The following SNX10 variants were observed in gnomAD, a reference collection of about 807,000 sequenced individuals.
SNX10 encodes sorting nexin 10, also known as sorting nexin-10.
A neutral mutation model predicts 28.5 loss-of-function variants in SNX10; 25 were observed. The observed-to-expected ratio is 0.88, with a 90% CI of 0.64 to 1.22. The LOEUF (loss-of-function observed/expected upper bound fraction) is 1.22, where lower values mean the gene tolerates loss of function less well. SNX10 is among the 50% of genes most tolerant of loss of function. SNX10 has a pLI of 0.00. For synonymous variants in SNX10, 62 were observed against 81.4 expected, an observed-to-expected ratio of 0.76 and a Z score of 1.28; for missense variants, 223 against 242.6, an observed-to-expected ratio of 0.92 and a Z score of 0.54.
chr7:26,362,810 A>C (rs1789131681), intron 3 of SNX10, among the ~76,000 whole-genome samples: 1 of 152,176 alleles, frequency 6.6e-6, no homozygotes, highest in Admixed American at 6.5e-5. Context: ...TGGAATTTTA[A>C]ATTAGTAGAC....
intron 1 of SNX10, among the ~76,000 whole-genome samples, chr7:26,316,755 G>A (rs1218217967): frequency 6.6e-6 from 1 of 152,142 alleles, no homozygotes; most frequent in Non-Finnish European, 1.5e-5. Flanking sequence ...TTGAGCCCAG[G>A]GAGGATGAAC....
At chr7:26,352,476 C>A (rs1441657687) in intron 2 of SNX10, among the ~76,000 whole-genome samples, 1 of 152,088 alleles carries the variant, frequency 6.6e-6, no homozygotes, top group Admixed American at 6.5e-5. Flanking sequence ...TAAAATGAAC[C>A]CCCATATGTG....
At chr7:26,355,907 C>G (rs1298862276) in intron 2 of SNX10, among the ~76,000 whole-genome samples, 1 of 152,164 alleles carries the variant, frequency 6.6e-6, no homozygotes, top group African/African-American at 2.4e-5. Flanking sequence ...TTTAAAAAAT[C>G]TGTAAAGTAG....
intron 1 of SNX10, among the ~76,000 whole-genome samples, chr7:26,334,972 A>G (rs569471440): frequency 1.8e-4 from 27 of 152,240 alleles, no homozygotes; most frequent in Admixed American, 7.2e-4. Flanking sequence ...CCCAGCTTTC[A>G]TGTTTTGGTG....
intron 1 of SNX10, among the ~76,000 whole-genome samples, chr7:26,306,700 C>G (rs939760340): frequency 1.3e-5 from 2 of 152,168 alleles, no homozygotes; most frequent in African/African-American, 4.8e-5. Flanking sequence ...CGTGCCCAGA[C>G]AGAAAATTTT....
chr7:26,339,846 C>T (rs1353537744), intron 1 of SNX10, among the ~76,000 whole-genome samples: 5 of 138,476 alleles, frequency 3.6e-5, no homozygotes, highest in African/African-American at 2.8e-5. Flanking sequence ...CCCACCTGGC[C>T]GATCTTTTTT....
rs1392227460 is a variant in SNX10, at chr7:26,372,496, C to T, written c.530C>T (p.Ser177Phe). The T allele has an allele frequency of 6.2e-7, 1 of 1,603,356 alleles. No homozygotes were observed. Among genetic ancestry groups the T allele is most frequent in the South Asian group, 1.1e-5 (1 of 90,798 alleles). The change falls in exon 7 of 7, where the codon TCC becomes TTC. Residue 177 changes from serine (S) to phenylalanine (F), a missense_variant. Coordinates refer to ENST00000338523, the MANE Select transcript of SNX10 (RefSeq NM_013322.3). ...NDIDYDSESS[S>F]SGLGHSSDDS... Reference sequence around the variant, plus strand: ...CCCCCTCTCTTCTTTTCCAGTTCATCCTCTGGGCTTGGACACAGTAGTGAT... The same window carrying T: ...CCCCCTCTCTTCTTTTCCAGTTCATTCTCTGGGCTTGGACACAGTAGTGAT...
At chr7:26,319,590 G>A (rs1287010464) in intron 1 of SNX10, among the ~76,000 whole-genome samples, 2 of 152,066 alleles carry the variant, frequency 1.3e-5, no homozygotes, top group Non-Finnish European at 2.9e-5. Context: ...TATTGGTCTG[G>A]GCTTAGCTTG....
intron 1 of SNX10, among the ~76,000 whole-genome samples, chr7:26,305,346 C>T (rs1786543444): frequency 6.6e-6 from 1 of 152,204 alleles, no homozygotes; most frequent in African/African-American, 2.4e-5. Flanking sequence ...ACCAACACTC[C>T]TTAGAAGTTA....
chr7:26,332,003 T>G (rs892305689), intron 1 of SNX10, among the ~76,000 whole-genome samples: 4 of 152,258 alleles, frequency 2.6e-5, no homozygotes, highest in African/African-American at 9.6e-5. Flanking sequence ...TGTTTGCCTG[T>G]TGATAGGCAA....
At position 26,371,907 on chromosome 7, in the gene SNX10, G is replaced by A. The variant is rs769343293; in HGVS notation, c.398G>A (p.Cys133Tyr). The A allele has an allele frequency of 6.2e-7, 1 of 1,613,526 alleles. No homozygotes were observed. Among genetic ancestry groups the A allele is most frequent in the Non-Finnish European group, 8.5e-7 (1 of 1,179,712 alleles). The change falls in exon 6 of 7, where the codon TGT becomes TAT. Residue 133 changes from cysteine (C) to tyrosine (Y), a missense_variant. By Grantham distance (194) the Cys-to-Tyr change is radical. Coordinates refer to ENST00000338523, the MANE Select transcript of SNX10 (RefSeq NM_013322.3). ...CTGAATTCAGAAGACATTGAGGCGT[G>A]TGTTTCTGGGCAGACTAAGTACTCT... Reference protein sequence around the residue: ...SHLNSEDIEACVSGQTKYSVE... With the variant: ...SHLNSEDIEAYVSGQTKYSVE...
chr7:26,346,324 G>T lies in SNX10; in HGVS notation c.-23-96G>T, dbSNP rs544142396. The T allele has an allele frequency of 1.9e-3, 1,481 of 788,190 alleles. 3 individuals carry two copies. Among genetic ancestry groups the T allele is most frequent in the Non-Finnish European group, 2.7e-3 (1,196 of 435,592 alleles). 48.8% of individuals were successfully genotyped at this position (788,190 alleles called of 1,614,324 possible). A position where few individuals can be genotyped will look rare whatever the true frequency, so the allele number is the denominator to read the frequency against. On this transcript the variant is annotated intron_variant, in intron 1 of 6. Coordinates refer to ENST00000338523, the MANE Select transcript of SNX10 (RefSeq NM_013322.3). ...ATGTCAGGGACTGTGGGGCGGGGGG[G>T]GCTCTGTCAGGGGATTTGGGTGGGA... is the stretch of plus-strand genomic sequence containing the variant.
In SNX10 at chr7:26,349,697, A is replaced by C. The variant is rs553442919; in HGVS notation, c.24+3231A>C. On this transcript the variant is annotated intron_variant, in intron 2 of 6. Coordinates refer to ENST00000338523, the MANE Select transcript of SNX10 (RefSeq NM_013322.3). ...TCAACTCTTCTGTTTAATGAGACAG[A>C]ACCCAGACTCCAAATGGAAAGGCAG... Among the ~76,000 whole-genome samples, 237 of 152,366 alleles carry C rather than the reference A, an allele frequency of 1.6e-3. 1 individual carries two copies. In the South Asian group the frequency reaches 0.017, roughly 11 times the overall value.
intron 1 of SNX10, among the ~76,000 whole-genome samples, chr7:26,335,775 G>A (rs1400482064): frequency 2.9e-5 from 3 of 102,338 alleles, no homozygotes; most frequent in South Asian, 3.3e-4. Context: ...ACGGAGTCTC[G>A]TTCTGTCGCC....
At position 26,364,236 on chromosome 7, in the gene SNX10, A is replaced by G; in HGVS notation, c.112-299A>G. On this transcript the variant is annotated intron_variant, in intron 3 of 6. Transcript: ENST00000338523. This position sits in a 1 kb window ranked among gnomAD's most constrained non-coding sequence, Gnocchi z 4.9. ...TATATGTTAGGATTTATTTTTTATG[A>G]TTTATTCTTGAAAGCAGTGCTCATA... The G allele has an allele frequency of 1.5e-6, 1 of 688,948 alleles. No homozygotes were observed. Among genetic ancestry groups the G allele is most frequent in the Non-Finnish European group, 1.8e-6 (1 of 541,396 alleles). The allele number at this position is 688,948 out of a possible 1,614,324, so 42.7% of individuals were successfully genotyped here. A position where few individuals can be genotyped will look rare whatever the true frequency, so the allele number is the denominator to read the frequency against.
At chr7:26,346,038 C>G (rs1788373017) in intron 1 of SNX10, among the ~76,000 whole-genome samples, 1 of 152,168 alleles carries the variant, frequency 6.6e-6, no homozygotes, top group South Asian at 2.1e-4. Flanking sequence ...AGGGCTGCCT[C>G]TGGTGGTGGA....
intron 1 of SNX10, among the ~76,000 whole-genome samples, chr7:26,323,326 A>G (rs1787376154): frequency 6.6e-6 from 1 of 152,104 alleles, no homozygotes; most frequent in Admixed American, 6.6e-5. Context: ...AAAACGAGTT[A>G]TGGTATTGCA....
chr7:26,347,513 C>T (rs1418015914), intron 2 of SNX10, among the ~76,000 whole-genome samples: 2 of 152,072 alleles, frequency 1.3e-5, no homozygotes, highest in African/African-American at 2.4e-5. Flanking sequence ...ACACTTCAGC[C>T]CCGGCGACAG....
chr7:26,300,970 G>T (rs1282283325), intron 1 of SNX10, among the ~76,000 whole-genome samples: 1 of 129,414 alleles, frequency 7.7e-6, no homozygotes, highest in Non-Finnish European at 1.5e-5. Context: ...AGTGAGCCGA[G>T]ATTGTACCAC....
Sources: allele counts gnomAD v4.1 joint callset (sites outside exome capture counted in the v4.1 genomes callset), GRCh38; gene constraint gnomAD v4.1.1; non-coding constraint Gnocchi (gnomAD v3.1); transcripts MANE v1.5; gene names NCBI Gene and HGNC (gene_info 2026-07-23, HGNC 2026-07-21).